NCKAP5: variants seen among roughly 807,000 people sequenced by gnomAD.
The protein encoded by NCKAP5 is nck-associated protein 5.
In NCKAP5, 92 loss-of-function variants were observed where a neutral mutation model predicts 167.0. The ratio of observed to expected loss-of-function variants is 0.55; its 90% CI spans 0.47 to 0.66. NCKAP5 has a LOEUF of 0.66. NCKAP5 is among the 30% of genes least tolerant of loss of function. The probability of loss-of-function intolerance (pLI) is 0.00; values close to 1 mark genes in which losing one functional copy is unlikely to be tolerated. For synonymous variants in NCKAP5, 891 were observed against 877.4 expected (o/e 1.02, Z -0.27); for missense variants, 2,378 against 2,315.0 (o/e 1.03, Z -0.56).
chr2:133,115,775 G>GTATA (rs10683280), intron 6 of NCKAP5, among the ~76,000 whole-genome samples: 7,970 of 93,002 alleles, frequency 0.086, 436 homozygotes, highest in Non-Finnish European at 0.11. Context: ...ATGTGTGTGT[G>GTATA]TATATATATA....
intron 2 of NCKAP5, among the ~76,000 whole-genome samples, chr2:133,554,109 G>A (rs1308039824): frequency 6.6e-6 from 1 of 152,198 alleles, no homozygotes; most frequent in Non-Finnish European, 1.5e-5. Flanking sequence ...GAGGCCAGCA[G>A]CAGAATCTCT....
chr2:133,494,224 A>G (rs1681725824), intron 3 of NCKAP5, among the ~76,000 whole-genome samples: 1 of 152,196 alleles, frequency 6.6e-6, no homozygotes, highest in African/African-American at 2.4e-5. Flanking sequence ...GTTCATTCTC[A>G]TATAGCCAAA....
At chr2:133,302,683 A>G (rs1476183667) in intron 4 of NCKAP5, among the ~76,000 whole-genome samples, 1 of 143,400 alleles carries the variant, frequency 7.0e-6, no homozygotes, top group African/African-American at 2.6e-5. Flanking sequence ...CTAATGCTAG[A>G]TGACACATTA....
At chr2:133,570,482 A>C (rs1464868444), upstream of NCKAP5, among the ~76,000 whole-genome samples, 3 of 152,138 alleles carry the variant, frequency 2.0e-5, no homozygotes. Context: ...TGGGAGTGGA[A>C]TAGGGTTGAG....
chr2:133,155,900 T>A (rs2083560368), intron 5 of NCKAP5, among the ~76,000 whole-genome samples: 1 of 152,244 alleles, frequency 6.6e-6, no homozygotes, highest in Admixed American at 6.5e-5. Context: ...TTTCTCTTTT[T>A]CTACGTGTGT....
At chr2:133,385,803 C>G (rs1321289025) in intron 3 of NCKAP5, among the ~76,000 whole-genome samples, 2 of 152,132 alleles carry the variant, frequency 1.3e-5, no homozygotes, top group Non-Finnish European at 2.9e-5. Context: ...GGAATTTATC[C>G]ATTTCTTCTA....
intron 3 of NCKAP5, among the ~76,000 whole-genome samples, chr2:133,515,030 G>C (rs180844497): frequency 7.2e-5 from 11 of 152,230 alleles, no homozygotes; most frequent in Admixed American, 5.9e-4. Flanking sequence ...CCCTTATCTA[G>C]AATCTTCCCT....
chr2:133,507,879 T>C (rs901627964), intron 3 of NCKAP5, among the ~76,000 whole-genome samples: 17 of 152,162 alleles, frequency 1.1e-4, no homozygotes, highest in Non-Finnish European at 1.8e-4. Context: ...CCTATGGATG[T>C]CTAATAAATA....
chr2:132,682,573 G>A (rs1200391314), intron 19 of NCKAP5, among the ~76,000 whole-genome samples: 2 of 152,160 alleles, frequency 1.3e-5, no homozygotes, highest in African/African-American at 2.4e-5. Flanking sequence ...CAGAAAGTGA[G>A]TCCCTGAAAA....
At chr2:133,639,187 T>C in the NCKAP5 span, among the ~76,000 whole-genome samples, 1 of 152,160 alleles carries the variant, frequency 6.6e-6, no homozygotes, top group African/African-American at 2.4e-5. Flanking sequence ...GGAAAGGATG[T>C]AGAGCAATGG....
Position 133,531,731 on chromosome 2 carries a change from T to A in NCKAP5, c.-61-14144A>T, listed in dbSNP as rs566399762. Among the ~76,000 whole-genome samples, 168 of 150,744 alleles carry A rather than the reference T, an allele frequency of 1.1e-3. 1 individual carries two copies. Among genetic ancestry groups the A allele is most frequent in the African/African-American group, 4.0e-3 (159 of 40,124 alleles). On this transcript the variant is annotated intron_variant, in intron 2 of 19. Transcript: ENST00000409261. ...AGCTACCAATTACCAGATTGAGGAA[T>A]TTTTTTATACATTCTTGAATCTCTA...
intron 4 of NCKAP5, among the ~76,000 whole-genome samples, chr2:133,215,747 A>C (rs921759768): frequency 1.3e-5 from 2 of 152,168 alleles, no homozygotes; most frequent in Non-Finnish European, 2.9e-5. Context: ...CTATTTATAT[A>C]AAGTGCAAAT....
chr2:133,519,359 T>C (rs1684285721), intron 2 of NCKAP5, among the ~76,000 whole-genome samples: 1 of 152,262 alleles, frequency 6.6e-6, no homozygotes, highest in African/African-American at 2.4e-5. Flanking sequence ...TTCTAGGCAG[T>C]ATTTTTCAGA....
chr2:133,082,428 T>A (rs2080841011), intron 6 of NCKAP5, among the ~76,000 whole-genome samples: 1 of 152,092 alleles, frequency 6.6e-6, no homozygotes, highest in Non-Finnish European at 1.5e-5. Context: ...ATACTGAGTG[T>A]GTCAGAGGAA....
At chr2:133,443,983 A>G (rs2151173118) in intron 3 of NCKAP5, among the ~76,000 whole-genome samples, 1 of 152,370 alleles carries the variant, frequency 6.6e-6, no homozygotes, top group Non-Finnish European at 1.5e-5. Context: ...AATAAAAACA[A>G]GTGTATGCTT....
chr2:132,687,712 A>AACACAC (rs3069016), intron 19 of NCKAP5, among the ~76,000 whole-genome samples: 9,724 of 131,472 alleles, frequency 0.074, 384 homozygotes, highest in African/African-American at 0.11. Flanking sequence ...CACCTACCTA[A>AACACAC]ACACACACAC....
intron 3 of NCKAP5, among the ~76,000 whole-genome samples, chr2:133,345,701 A>G (rs1439242241): frequency 6.6e-6 from 1 of 152,190 alleles, no homozygotes; most frequent in East Asian, 1.9e-4. Flanking sequence ...TCCTCTAGTA[A>G]GAGAGGAGTT....
intron 6 of NCKAP5, among the ~76,000 whole-genome samples, chr2:133,034,948 T>G (rs978983815): frequency 6.6e-6 from 1 of 151,940 alleles, no homozygotes; most frequent in African/African-American, 2.4e-5. Flanking sequence ...TACTATACTC[T>G]CCAATCAAAA....
At chr2:133,245,957 T>C (rs553659386) in intron 4 of NCKAP5, among the ~76,000 whole-genome samples, 77 of 150,648 alleles carry the variant, frequency 5.1e-4, no homozygotes, top group Admixed American at 1.5e-3. Flanking sequence ...ACAATTATAA[T>C]GCTAGGGCAG....
Sources: gnomAD v4.1 joint callset for allele counts (sites outside exome capture counted in the v4.1 genomes callset) on GRCh38, gnomAD v4.1.1 for gene constraint, MANE v1.5 for transcripts, NCBI Gene and HGNC (gene_info 2026-07-23, HGNC 2026-07-21) for gene names.